The following XAGE5 variants were observed in gnomAD, a reference collection of about 807,000 sequenced individuals.
XAGE5 encodes G antigen, family D, 5.
XAGE5 carries 13 observed loss-of-function variants against 13.1 expected under a neutral mutation model. That is an observed-to-expected ratio of 0.99 (90% CI 0.64 to 1.57). The LOEUF is 1.57. Ranked by LOEUF, XAGE5 falls within the 40% of genes most tolerant of loss-of-function variation. XAGE5 has a pLI of 0.00. For missense variants in XAGE5, 86 were observed against 77.6 expected (o/e 1.11, Z -0.41); for synonymous variants, 17 against 25.0 (o/e 0.68, Z 0.96).
chrX:52,817,539 A>C (rs1926929299), intron 5 of XAGE5, among the ~76,000 whole-genome samples: 1 of 112,212 alleles, frequency 8.9e-6, no homozygotes. Context: ...ACTATAGGTG[A>C]AAACTGGATG....
intron 4 of XAGE5, among the ~76,000 whole-genome samples, chrX:52,814,615 T>G (rs782604761): frequency 1.8e-5 from 2 of 111,927 alleles, no homozygotes; most frequent in Non-Finnish European, 3.8e-5. Flanking sequence ...GTGATTTTGC[T>G]GTTATATTTC....
At position 52,813,566 on chromosome X, in the gene XAGE5, G is replaced by T. The variant is rs150476824; in HGVS notation, c.178+321G>T. Among the ~76,000 whole-genome samples, 746 of 111,561 alleles carry T rather than the reference G, an allele frequency of 6.7e-3. 3 individuals carry two copies. Among genetic ancestry groups the T allele is most frequent in the African/African-American group, 0.023 (707 of 30,558 alleles). ...CACCAGTTTAACTTGATATTCTTAG[G>T]ATGTTGCAGTGAGATCCTCTCAGCC... On this transcript the variant is annotated intron_variant, in intron 4 of 5. Coordinates refer to ENST00000375501, the MANE Select transcript of XAGE5 (RefSeq NM_001386970.1).
intron 2 of XAGE5, among the ~76,000 whole-genome samples, 30 bp downstream of exon 2, chrX:52,811,749 C>G (rs1926800777): frequency 9.1e-6 from 1 of 110,482 alleles, no homozygotes; most frequent in Non-Finnish European, 1.9e-5. Flanking sequence ...AGTGGGAACA[C>G]TCCGGACTGG....
At chrX:52,812,431 C>A in intron 2 of XAGE5, 128 bp from the exon 3 acceptor site, 2 of 507,302 alleles carry the variant, frequency 3.9e-6, no homozygotes, top group Non-Finnish European at 6.5e-6. Flanking sequence ...CGCTACCACA[C>A]CCAGCTACGT....
chrX:52,814,191 A>G (rs1362424250), intron 4 of XAGE5: 1 of 328,079 alleles, frequency 3.0e-6, no homozygotes, highest in Non-Finnish European at 5.9e-6. Flanking sequence ...ACTATAAGGT[A>G]CTTCGATATT....
Position 52,812,570 on chromosome X carries a change from A to G in XAGE5, c.4A>G (p.Ser2Gly). ...TATTCTGTTTGCAGACTGAAATATG[A>G]GTTGGCGAGGAAGAAGATATAGACC... Reference protein sequence around the residue: MSWRGRRYRPRR... With the variant: MGWRGRRYRPRR... Residue 2 changes from serine to glycine, a missense_variant, in exon 3 of 6, where the codon AGT (serine) becomes GGT (glycine). Physicochemically the swap from Ser to Gly is moderately conservative, Grantham distance 56. Transcript: ENST00000375501. The G allele has an allele frequency of 1.7e-6, 2 of 1,210,877 alleles. No individual in the cohort carries two copies. The highest frequency in any genetic ancestry group is 2.2e-6 in the Non-Finnish European group (2 of 894,933).
At chrX:52,817,549 G>T (rs192110794) in intron 5 of XAGE5, among the ~76,000 whole-genome samples, 2 of 112,001 alleles carry the variant, frequency 1.8e-5, no homozygotes, top group Admixed American at 1.9e-4. Context: ...AAAACTGGAT[G>T]CAAATGGTTA....
At chrX:52,816,277 A>G (rs1346846759) in intron 5 of XAGE5, among the ~76,000 whole-genome samples, 1 of 112,223 alleles carries the variant, frequency 8.9e-6, no homozygotes, top group African/African-American at 3.2e-5. Context: ...AACCTACTGG[A>G]CATTCAGACC....
chrX:52,818,290 G>C lies in XAGE5; in HGVS notation c.*77G>C. On this transcript the variant is annotated 3_prime_UTR_variant, in exon 6 of 6. Coordinates refer to ENST00000375501, the MANE Select transcript of XAGE5 (RefSeq NM_001386970.1). ...TTAAAAATCTCAATAAAGTTTTCCA[G>C]TTTTCTCCAAAGAAGTATCACACAT... 1 of 1,140,268 alleles carries C rather than the reference G, an allele frequency of 8.8e-7. No individual in the cohort carries two copies. The highest frequency in any genetic ancestry group is 1.2e-6 in the Non-Finnish European group (1 of 837,707). The allele number at this position is 1,140,268 out of a possible 1,213,427, so 94.0% of individuals were successfully genotyped here. A position where few individuals can be genotyped will look rare whatever the true frequency, so the allele number is the denominator to read the frequency against.
intron 5 of XAGE5, 144 bp downstream of exon 5, chrX:52,815,361 A>G: frequency 1.4e-6 from 1 of 710,804 alleles, no homozygotes; most frequent in Non-Finnish European, 2.0e-6. Context: ...TTCAGACCCC[A>G]GAAGCCTGAC....
chrX:52,816,164 G>T (rs1556778093), intron 5 of XAGE5, among the ~76,000 whole-genome samples: 1 of 111,071 alleles, frequency 9.0e-6, no homozygotes. Flanking sequence ...GTCTGGGCTC[G>T]AACTCCTGAC....
chrX:52,814,423 A>G (rs1173792795), intron 4 of XAGE5: 1 of 194,887 alleles, frequency 5.1e-6, no homozygotes. Context: ...TCCAAGTAGA[A>G]TAAGATTATC....
intron 5 of XAGE5, among the ~76,000 whole-genome samples, chrX:52,815,453 A>T (rs1926889110): frequency 8.9e-6 from 1 of 112,215 alleles, no homozygotes; most frequent in African/African-American, 3.2e-5. Context: ...GCATTTTCTT[A>T]CTTCTGATTA....
At chrX:52,812,241 T>G (rs1926811642) in intron 2 of XAGE5, 1 of 222,908 alleles carries the variant, frequency 4.5e-6, no homozygotes, top group African/African-American at 2.9e-5. Flanking sequence ...CAGGTGCATT[T>G]TTCCAATCAC....
chrX:52,815,174 G>T lies in XAGE5; in HGVS notation c.261G>T (p.Gly87=). ...DECGDSPDVQ[G]KILPKSEQFK... is the part of the protein sequence containing the mutation. ...GCGGAGATAGTCCTGATGTCCAGGGGAAGATTCTGCCAAAATCAGAGCAAT... is the reference window on the plus strand; with the variant it reads ...GCGGAGATAGTCCTGATGTCCAGGGTAAGATTCTGCCAAAATCAGAGCAAT... The change falls in exon 5 of 6, where the codon GGG becomes GGT. Residue 87 remains glycine (G), a synonymous_variant. Transcript: ENST00000375501. The T allele has an allele frequency of 8.3e-7, 1 of 1,210,938 alleles. No individual in the cohort carries two copies. Among genetic ancestry groups the T allele is most frequent in the Non-Finnish European group, 1.1e-6 (1 of 895,113 alleles).
At chrX:52,817,374 C>CT (rs1207957636) in intron 5 of XAGE5, among the ~76,000 whole-genome samples, 1 of 111,699 alleles carries the variant, frequency 9.0e-6, no homozygotes, top group Non-Finnish European at 1.9e-5. Flanking sequence ...TCCATTTCTT[C>CT]TTTTTTTTCC....
At chrX:52,816,744 T>C (rs782353392) in intron 5 of XAGE5, among the ~76,000 whole-genome samples, 19 of 111,954 alleles carry the variant, frequency 1.7e-4, no homozygotes, top group Non-Finnish European at 3.0e-4. Flanking sequence ...TCCATTAGAC[T>C]AATTACATCA....
intron 3 of XAGE5, among the ~76,000 whole-genome samples, chrX:52,812,858 T>C (rs1283047110): frequency 9.0e-6 from 1 of 111,610 alleles, no homozygotes; most frequent in Non-Finnish European, 1.9e-5. Flanking sequence ...TTCCTCTTCA[T>C]GCTTATTCAT....
Position 52,815,140 on chromosome X carries a change from G to A in XAGE5, c.227G>A (p.Gly76Glu). The A allele has an allele frequency of 8.3e-7, 1 of 1,210,978 alleles. No individual in the cohort carries two copies. Among genetic ancestry groups the A allele is most frequent in the South Asian group, 1.8e-5 (1 of 56,931 alleles). Residue 76 changes from glycine to glutamate, a missense_variant, in exon 5 of 6, where the codon GGG becomes GAG. Coordinates refer to ENST00000375501, the MANE Select transcript of XAGE5 (RefSeq NM_001386970.1). ...DLQELSQSKTGDECGDSPDVQ... is the reference protein window; with the variant it reads ...DLQELSQSKTEDECGDSPDVQ... ...CAGGAGCTGTCTCAGTCAAAGACTG[G>A]GGATGAATGCGGAGATAGTCCTGAT...
Sources: allele counts gnomAD v4.1 joint callset (sites outside exome capture counted in the v4.1 genomes callset), GRCh38; gene constraint gnomAD v4.1.1; transcripts MANE v1.5; gene names NCBI Gene and HGNC (gene_info 2026-07-23, HGNC 2026-07-21).